NUDT4: variants seen among roughly 807,000 people sequenced by gnomAD.
NUDT4 encodes diphosphoinositol polyphosphate phosphohydrolase 2.
In NUDT4, 5 loss-of-function variants were observed where a neutral mutation model predicts 23.1. The ratio of observed to expected loss-of-function variants is 0.22; its 90% CI spans 0.11 to 0.46. The LOEUF (loss-of-function observed/expected upper bound fraction) is 0.46. NUDT4 is among the 20% of genes least tolerant of loss of function. NUDT4 has a pLI of 0.99. For missense variants in NUDT4, 96 were observed against 211.6 expected (o/e 0.45, Z 3.39); for synonymous variants, 50 against 79.0 (o/e 0.63, Z 1.95).
chr12:93,385,746 G>A (rs1221168389), intron 1 of NUDT4, among the ~76,000 whole-genome samples: 2 of 151,332 alleles, frequency 1.3e-5, no homozygotes, highest in Non-Finnish European at 2.9e-5. Flanking sequence ...TTGTAGGAGG[G>A]GCTTAGGAGC....
intron 2 of NUDT4, among the ~76,000 whole-genome samples, 179 bp from the exon 3 acceptor site, chr12:93,395,310 C>G (rs1163185775): frequency 6.6e-6 from 1 of 152,140 alleles, no homozygotes; most frequent in South Asian, 2.1e-4. Context: ...TTGATCAGTC[C>G]TTGCCGCTGA....
intron 2 of NUDT4, among the ~76,000 whole-genome samples, chr12:93,395,241 C>G (rs775513204): frequency 3.3e-5 from 5 of 152,298 alleles, no homozygotes; most frequent in Admixed American, 1.3e-4. Context: ...CTGCCTCGGC[C>G]TCCCAAAGTG....
chr12:93,396,491 T>C (rs1876942721), intron 3 of NUDT4, among the ~76,000 whole-genome samples: 1 of 152,212 alleles, frequency 6.6e-6, no homozygotes, highest in Non-Finnish European at 1.5e-5. Flanking sequence ...GGGTGCTGTT[T>C]ATAGGTTAGT....
intron 1 of NUDT4, among the ~76,000 whole-genome samples, chr12:93,390,951 C>T (rs1455095462): frequency 6.6e-6 from 1 of 152,080 alleles, no homozygotes; most frequent in Non-Finnish European, 1.5e-5. Context: ...TCTTTTAACT[C>T]AGCATTTTGG....
At position 93,402,381 on chromosome 12, in the gene NUDT4, A is replaced by G. The variant is rs910838118; in HGVS notation, c.*3002A>G. On this transcript the variant is annotated 3_prime_UTR_variant, in exon 5 of 5. Coordinates refer to ENST00000415493, the MANE Select transcript of NUDT4 (RefSeq NM_019094.6). ...GTGTATGCTTTTAACTTTGAAATGT[A>G]TAAACACCCAGCGGAAACGTATACC... 6.6e-6 allele frequency: 1 copy of G among 152,202 alleles called. No homozygotes were observed. The highest frequency in any genetic ancestry group is 1.5e-5 in the Non-Finnish European group (1 of 68,038). The allele number at this position is 152,202 out of a possible 1,614,324, so 9.4% of individuals were successfully genotyped here.
chr12:93,386,579 C>CAA (rs796118876), intron 1 of NUDT4, among the ~76,000 whole-genome samples: 30 of 133,464 alleles, frequency 2.2e-4, no homozygotes, highest in African/African-American at 7.9e-4. Context: ...GACCCTGTTT[C>CAA]AAAAAAAAAA....
rs1047863360 is a variant in NUDT4, at chr12:93,408,083, T to C, written c.*8704T>C. On this transcript the variant is annotated 3_prime_UTR_variant, in exon 5 of 5. Coordinates refer to ENST00000415493, the MANE Select transcript of NUDT4 (RefSeq NM_019094.6). ...TCATGGTTTGTAAATCACTATGTGA[T>C]ACTAGCTATAACCATGAGCAATATT... 2.0e-5 allele frequency: 3 copies of C among 152,254 alleles called. No individual in the cohort carries two copies. Among genetic ancestry groups the C allele is most frequent in the Non-Finnish European group, 2.9e-5 (2 of 68,040 alleles). 9.4% of individuals were successfully genotyped at this position (152,254 alleles called of 1,614,324 possible).
At chr12:93,385,944 TATA>T (rs1565777312) in intron 1 of NUDT4, among the ~76,000 whole-genome samples, 6,021 of 45,044 alleles carry the variant, frequency 0.13, 257 homozygotes, top group Middle Eastern at 0.25. Flanking sequence ...AATCTTTTTA[TATA>T]TATATATATA....
At chr12:93,395,878 G>A (rs560500890) in intron 3 of NUDT4, among the ~76,000 whole-genome samples, 15 of 152,048 alleles carry the variant, frequency 9.9e-5, no homozygotes, top group Admixed American at 1.3e-4. Flanking sequence ...GCGCCACCAC[G>A]CCCAGCTAAG....
chr12:93,393,910 C>A (rs1216198402), intron 1 of NUDT4, among the ~76,000 whole-genome samples: 1 of 152,206 alleles, frequency 6.6e-6, no homozygotes, highest in Non-Finnish European at 1.5e-5. Flanking sequence ...GGTAACCTAC[C>A]TATGGTCATT....
chr12:93,397,889 G>A (rs542313190), intron 3 of NUDT4, among the ~76,000 whole-genome samples: 1 of 152,212 alleles, frequency 6.6e-6, no homozygotes, highest in African/African-American at 2.4e-5. Flanking sequence ...AACTGGTGCT[G>A]TTTGCTCTTA....
At chr12:93,398,709 G>C (rs572071598) in intron 3 of NUDT4, 62 bp from the exon 4 acceptor site, 1 of 1,184,040 alleles carries the variant, frequency 8.4e-7, no homozygotes, top group South Asian at 1.3e-5. Flanking sequence ...TTTTTCCCTT[G>C]GAAAATGTGT....
Position 93,405,949 on chromosome 12 carries a change from T to G in NUDT4, c.*6570T>G, listed in dbSNP as rs1877788832. The G allele has an allele frequency of 6.6e-6, 1 of 152,132 alleles. No individual in the cohort carries two copies. Among genetic ancestry groups the G allele is most frequent in the East Asian group, 1.9e-4 (1 of 5,194 alleles). The allele number at this position is 152,132 out of a possible 1,614,324, so 9.4% of individuals were successfully genotyped here. On this transcript the variant is annotated 3_prime_UTR_variant, in exon 5 of 5. Transcript: ENST00000415493. ...TTTGGCCAGCTTTTCTAGATAAGGTTGTATTGCTACTGCAACTAACAAAAA... is the reference window on the plus strand; with the variant it reads ...TTTGGCCAGCTTTTCTAGATAAGGTGGTATTGCTACTGCAACTAACAAAAA...
In NUDT4 at chr12:93,405,704, T is replaced by A. The variant is rs375458896; in HGVS notation, c.*6325T>A. 1 of 152,172 alleles carries A rather than the reference T, an allele frequency of 6.6e-6. No homozygotes were observed. Among genetic ancestry groups the A allele is most frequent in the Non-Finnish European group, 1.5e-5 (1 of 68,028 alleles). 9.4% of individuals were successfully genotyped at this position (152,172 alleles called of 1,614,324 possible). A position where few individuals can be genotyped will look rare whatever the true frequency, so the allele number is the denominator to read the frequency against. On this transcript the variant is annotated 3_prime_UTR_variant, in exon 5 of 5. Transcript: ENST00000415493. The stretch of plus-strand genomic sequence containing the variant: ...ACTAGTCCAGGTGGTAGATGACAGA[T>A]TTTTATTATTTACACTTCTCTCAAA...
chr12:93,386,186 A>G (rs140700743), intron 1 of NUDT4, among the ~76,000 whole-genome samples: 4,504 of 151,834 alleles, frequency 0.03, 110 homozygotes, highest in African/African-American at 0.069. Flanking sequence ...TATGTTGCCT[A>G]GGCTGGTCTT....
intron 3 of NUDT4, among the ~76,000 whole-genome samples, chr12:93,397,435 A>G (rs1006193264): frequency 8.5e-5 from 13 of 152,202 alleles, no homozygotes; most frequent in African/African-American, 2.7e-4. Flanking sequence ...GTCGTGGACT[A>G]TGGCAAAGAA....
chr12:93,393,932 G>A (rs1239080592), intron 1 of NUDT4, among the ~76,000 whole-genome samples: 1 of 152,138 alleles, frequency 6.6e-6, no homozygotes, highest in African/African-American at 2.4e-5. Context: ...CCTTAAATTT[G>A]GAATATTCCA....
rs778437708 is a variant in NUDT4 at position 93,381,968 on chromosome 12, CCA to C, written c.99+3549_99+3550del. On this transcript the variant is annotated intron_variant, in intron 1 of 4. Transcript: ENST00000415493. ...TTAACAAATCAGTCTGAAGGACTAACCACTACAGGCCAGGCAGGTGGCTCATG... is the reference window on the plus strand; with the variant it reads ...TTAACAAATCAGTCTGAAGGACTAACCTACAGGCCAGGCAGGTGGCTCATG... Among the ~76,000 whole-genome samples the C allele has an allele frequency of 8.7e-4, 132 of 152,222 alleles. 1 individual carries two copies. Among genetic ancestry groups the C allele is most frequent in the Non-Finnish European group, 1.7e-3 (115 of 68,014 alleles).
At chr12:93,398,307 C>G (rs1053837605) in intron 3 of NUDT4, among the ~76,000 whole-genome samples, 4 of 142,476 alleles carry the variant, frequency 2.8e-5, no homozygotes, top group African/African-American at 1.0e-4. Context: ...CGCCACTGTA[C>G]TCCTGGGCAA....
Sources: allele counts gnomAD v4.1 joint callset (sites outside exome capture counted in the v4.1 genomes callset), GRCh38; gene constraint gnomAD v4.1.1; transcripts MANE v1.5; gene names NCBI Gene and HGNC (gene_info 2026-07-23, HGNC 2026-07-21).